MTMR1: variants seen among roughly 807,000 people sequenced by gnomAD.
The protein encoded by MTMR1 is phosphatidylinositol-3-phosphate phosphatase MTMR1.
MTMR1 carries 17 observed loss-of-function variants against 51.6 expected under a neutral mutation model. The ratio of observed to expected loss-of-function variants is 0.33; its 90% CI spans 0.23 to 0.49. The LOEUF is 0.49. MTMR1 is among the 20% of genes least tolerant of loss of function. The pLI is 0.99. For synonymous variants in MTMR1, 201 were observed against 205.6 expected (o/e 0.98, Z 0.19); for missense variants, 386 against 526.9 (o/e 0.73, Z 2.62).
chrX:150,758,228 C>G (rs1326496483), intron 15 of MTMR1, among the ~76,000 whole-genome samples: 9 of 111,527 alleles, frequency 8.1e-5, no homozygotes, highest in Non-Finnish European at 1.5e-4. Context: ...CACCCTAAAC[C>G]TGTCCTGTCC....
rs782336379 is a variant in MTMR1, at chrX:150,712,865, C to T, written c.276+500C>T. The T allele has an allele frequency of 7.9e-5, 54 of 687,503 alleles. No homozygotes were observed. In the Middle Eastern group the frequency reaches 1.2e-3, roughly 15 times the overall value. 56.7% of individuals were successfully genotyped at this position (687,503 alleles called of 1,213,427 possible). On this transcript the variant is annotated intron_variant, in intron 3 of 15. Transcript: ENST00000445323. ...AAGCTAAATTTAGCAAAATCAATCCCAGTTACTATTTTTTAAAATACAGAT... is the reference window on the plus strand; with the variant it reads ...AAGCTAAATTTAGCAAAATCAATCCTAGTTACTATTTTTTAAAATACAGAT...
At chrX:150,704,906 A>G (rs1463660179) in intron 2 of MTMR1, among the ~76,000 whole-genome samples, 2 of 111,952 alleles carry the variant, frequency 1.8e-5, no homozygotes, top group Non-Finnish European at 3.8e-5. Context: ...AAATCAACAG[A>G]TGTCAAAACT....
At chrX:150,735,443 T>C (rs2042239427) in intron 10 of MTMR1, 1 of 496,174 alleles carries the variant, frequency 2.0e-6, no homozygotes, top group African/African-American at 2.3e-5. Flanking sequence ...GGTTTTCTCT[T>C]CTTGTGATGT....
intron 12 of MTMR1, among the ~76,000 whole-genome samples, chrX:150,739,391 C>T (rs915584849): frequency 8.9e-6 from 1 of 112,653 alleles, no homozygotes; most frequent in Non-Finnish European, 1.9e-5. Context: ...ACCCCCTCAG[C>T]AAAGGCTGGT....
intron 4 of MTMR1, among the ~76,000 whole-genome samples, chrX:150,719,566 G>A (rs1179302931): frequency 2.7e-5 from 3 of 111,738 alleles, no homozygotes; most frequent in African/African-American, 3.3e-5. Flanking sequence ...TTCTCTGGGC[G>A]TTCTTCTAGC....
At chrX:150,695,563 A>G (rs782131248) in intron 1 of MTMR1, among the ~76,000 whole-genome samples, 21 of 112,235 alleles carry the variant, frequency 1.9e-4, no homozygotes, top group Non-Finnish European at 3.4e-4. Flanking sequence ...GAGAATTCCA[A>G]AATTTTAGCT....
At chrX:150,699,101 A>T (rs1239967600) in intron 1 of MTMR1, 94 bp from the exon 2 acceptor site, 4 of 452,467 alleles carry the variant, frequency 8.8e-6, no homozygotes, top group Non-Finnish European at 1.1e-5. Context: ...TAGTTCATCT[A>T]AAAAAAGAAG....
intron 10 of MTMR1, 48 bp downstream of exon 10, chrX:150,732,778 G>A (rs369064290): frequency 4.9e-5 from 53 of 1,077,186 alleles, no homozygotes; most frequent in Non-Finnish European, 6.5e-5. Flanking sequence ...TTCATGTCCT[G>A]TCTGTAAATC....
At chrX:150,737,487 C>A in intron 12 of MTMR1, 39 bp downstream of exon 12, 1 of 1,123,974 alleles carries the variant, frequency 8.9e-7, no homozygotes, top group Non-Finnish European at 1.2e-6. Flanking sequence ...GACTGTTTTG[C>A]GGTATCATAT....
At position 150,727,310 on chromosome X, in the gene MTMR1, G is replaced by T; in HGVS notation, c.447+1G>T. On this transcript the variant is annotated splice_donor_variant, in intron 5 of 15. Coordinates refer to ENST00000445323, the MANE Select transcript of MTMR1 (RefSeq NM_001306144.3). LOFTEE classifies it high-confidence loss of function. ...GCTGTACTTCAAAAATGTCGAGAGG[G>T]TGAGTTTTTTAAAGTGTGTTTTATT... The T allele has an allele frequency of 8.4e-7, 1 of 1,191,706 alleles. No homozygotes were observed. Among genetic ancestry groups the T allele is most frequent in the Non-Finnish European group, 1.1e-6 (1 of 879,517 alleles).
chrX:150,731,964 T>A (rs2042131358), intron 9 of MTMR1, among the ~76,000 whole-genome samples: 1 of 111,828 alleles, frequency 8.9e-6, no homozygotes, highest in Non-Finnish European at 1.9e-5. Flanking sequence ...GAGAAAATGC[T>A]TCTTTCTTAG....
At chrX:150,734,526 A>G (rs781973378) in intron 10 of MTMR1, among the ~76,000 whole-genome samples, 1 of 112,404 alleles carries the variant, frequency 8.9e-6, no homozygotes, top group Admixed American at 9.4e-5. Context: ...TGTCACCACC[A>G]TATCCCAAGG....
At chrX:150,737,742 A>G (rs140753665) in intron 12 of MTMR1, among the ~76,000 whole-genome samples, 1,686 of 111,990 alleles carry the variant, frequency 0.015, 18 homozygotes, top group Middle Eastern at 0.032. Flanking sequence ...TAGTAAATTC[A>G]CAGTATTATG....
At chrX:150,711,893 T>G (rs1449679455) in intron 2 of MTMR1, among the ~76,000 whole-genome samples, 1 of 111,379 alleles carries the variant, frequency 9.0e-6, no homozygotes, top group Admixed American at 9.5e-5. Context: ...GGGTCCAAGG[T>G]GGGGATTTCT....
At chrX:150,741,668 C>T (rs1416230229) in intron 12 of MTMR1, among the ~76,000 whole-genome samples, 1 of 112,721 alleles carries the variant, frequency 8.9e-6, no homozygotes, top group African/African-American at 3.2e-5. Flanking sequence ...TAGCCAAGGA[C>T]CGGGCCTCTA....
At chrX:150,715,578 A>G (rs1324712530) in intron 3 of MTMR1, among the ~76,000 whole-genome samples, 1 of 112,681 alleles carries the variant, frequency 8.9e-6, no homozygotes, top group African/African-American at 3.2e-5. Context: ...AATGTAGCAC[A>G]AGTGTGAGTC....
At chrX:150,719,347 C>T (rs1557416517) in intron 4 of MTMR1, among the ~76,000 whole-genome samples, 2 of 111,827 alleles carry the variant, frequency 1.8e-5, no homozygotes, top group African/African-American at 3.3e-5. Context: ...CCCAAAGAGG[C>T]GCACTCAGTC....
intron 2 of MTMR1, among the ~76,000 whole-genome samples, chrX:150,703,889 A>T (rs868973954): frequency 2.0e-5 from 2 of 100,571 alleles, no homozygotes; most frequent in South Asian, 9.3e-4. Flanking sequence ...AAATTTTTTT[A>T]AAAACCATAG....
At chrX:150,758,815 A>G (rs1177904136) in intron 15 of MTMR1, among the ~76,000 whole-genome samples, 1 of 110,604 alleles carries the variant, frequency 9.0e-6, no homozygotes, top group Non-Finnish European at 1.9e-5. Flanking sequence ...AAAAAAAATT[A>G]CATTTATCTC....
Sources: gnomAD v4.1 joint callset for allele counts (sites outside exome capture counted in the v4.1 genomes callset) on GRCh38, gnomAD v4.1.1 for gene constraint, MANE v1.5 for transcripts, NCBI Gene and HGNC (gene_info 2026-07-23, HGNC 2026-07-21) for gene names.